NOTCH1: variants seen among roughly 807,000 people sequenced by gnomAD.
NOTCH1 encodes notch receptor 1.
A neutral mutation model predicts 254.8 loss-of-function variants in NOTCH1; 37 were observed. The ratio of observed to expected loss-of-function variants is 0.15; its 90% CI spans 0.11 to 0.19. The LOEUF (loss-of-function observed/expected upper bound fraction) is 0.19. Among genes scored for constraint, NOTCH1 ranks in the 10% least tolerant of loss-of-function variants. The pLI, the probability that NOTCH1 is intolerant of heterozygous loss-of-function variation, is 1.00. For synonymous variants in NOTCH1, 1,731 were observed against 1,618.1 expected (o/e 1.07, Z -1.68); for missense variants, 2,972 against 3,708.6 (o/e 0.80, Z 5.16).
Position 136,522,609 on chromosome 9 carries a change from G to A in NOTCH1, c.742+241C>T, listed in dbSNP as rs574252585. 349 of 520,424 alleles carry A rather than the reference G, an allele frequency of 6.7e-4. 1 individual carries two copies. Among genetic ancestry groups the A allele is most frequent in the South Asian group, 1.0e-3 (33 of 33,102 alleles). The allele number at this position is 520,424 out of a possible 1,614,324, so 32.2% of individuals were successfully genotyped here. On this transcript the variant is annotated intron_variant, in intron 4 of 33. Coordinates refer to ENST00000651671, the MANE Select transcript of NOTCH1 (RefSeq NM_017617.5). ...GTCCTACAGCTCGAATGTGAGTTCC[G>A]GGAAACTCCAGAGACACGGGCTGGC... is the stretch of plus-strand genomic sequence containing the variant.
At chr9:136,541,257 C>G (rs994318406) in intron 2 of NOTCH1, among the ~76,000 whole-genome samples, 18 of 152,144 alleles carry the variant, frequency 1.2e-4, no homozygotes, top group African/African-American at 3.1e-4. Flanking sequence ...CATTTTGCAC[C>G]AACAAAACCA....
chr9:136,501,741 C>G lies in NOTCH1; in HGVS notation c.5638+7G>C, dbSNP rs747630187. The G allele has an allele frequency of 7.4e-5, 119 of 1,610,630 alleles. No homozygotes were observed. The highest frequency in any genetic ancestry group is 9.2e-5 in the Non-Finnish European group (109 of 1,179,774). The stretch of plus-strand genomic sequence containing the variant: ...GCTAGGGAAGCCCTGGCTGCTGGCA[C>G]CCTTACCAGGCCCGCGGACATTGAC... On this transcript the variant is annotated splice_region_variant and intron_variant, in intron 30 of 33. Coordinates refer to ENST00000651671, the MANE Select transcript of NOTCH1 (RefSeq NM_017617.5).
At chr9:136,543,945 G>A (rs1487788951) in intron 2 of NOTCH1, 79 bp downstream of exon 2, 1 of 1,329,064 alleles carries the variant, frequency 7.5e-7, no homozygotes, top group African/African-American at 1.5e-5. Flanking sequence ...ATGGCCTAGT[G>A]TTCTGTCCCC....
chr9:136,502,160 G>A, intron 28 of NOTCH1, 72 bp from the exon 29 acceptor site: 1 of 1,597,462 alleles, frequency 6.3e-7, no homozygotes, highest in Non-Finnish European at 8.5e-7. Context: ...CCTGGCCCGG[G>A]CCTGGCGTGG....
At chr9:136,526,585 G>A (rs981023995) in intron 2 of NOTCH1, among the ~76,000 whole-genome samples, 11 of 152,160 alleles carry the variant, frequency 7.2e-5, no homozygotes, top group African/African-American at 2.7e-4. Context: ...GGAGGTCCGA[G>A]CCCCTAGAGC....
Position 136,505,570 on chromosome 9 carries a change from C to T in NOTCH1, c.4326G>A (p.Pro1442=), listed in dbSNP as rs376469653. ...GCTCGCACGCCTCCTCGATCAGCGG[C>T]GGGGGGATGTCGCGCCCGGCCCCAC... ...FGGGAGRDIP[P]PLIEEACELP... is the part of the protein sequence containing the mutation. Residue 1442 remains proline, a synonymous_variant, in exon 25 of 34, where the codon CCG becomes CCA. Coordinates refer to ENST00000651671, the MANE Select transcript of NOTCH1 (RefSeq NM_017617.5). 9.0e-5 allele frequency: 145 copies of T among 1,610,328 alleles called. No homozygotes were observed. The highest frequency in any genetic ancestry group is 2.4e-4 in the South Asian group (22 of 90,994).
chr9:136,537,411 C>T (rs545056365), intron 2 of NOTCH1, among the ~76,000 whole-genome samples: 3 of 152,138 alleles, frequency 2.0e-5, no homozygotes, highest in African/African-American at 4.8e-5. Flanking sequence ...CCAGAAGAGG[C>T]GAATTCAGAG....
chr9:136,511,127 C>T (rs2133354283), intron 16 of NOTCH1, 25 bp downstream of exon 16: 1 of 1,612,936 alleles, frequency 6.2e-7, no homozygotes, highest in African/African-American at 1.3e-5. Flanking sequence ...CATCCCAGCC[C>T]TCACCGGGCC....
intron 2 of NOTCH1, among the ~76,000 whole-genome samples, chr9:136,535,496 T>G (rs1275227372): frequency 5.1e-5 from 4 of 78,426 alleles, no homozygotes; most frequent in Admixed American, 1.3e-4. Flanking sequence ...CCAGGGGCAA[T>G]GGGTGCAGGG....
In NOTCH1 at chr9:136,504,882, G is replaced by A. The variant is rs370523171; in HGVS notation, c.4809C>T (p.Asn1603=). ...CGTGTGCGTCACGCTTGAAGACCACGTTGGTGTGCAGCACGCGGCTGAGCT... is the reference window on the plus strand; with the variant it reads ...CGTGTGCGTCACGCTTGAAGACCACATTGGTGTGCAGCACGCGGCTGAGCT... ...LRELSRVLHT[N]VVFKRDAHGQ... Residue 1603 remains asparagine (N), a synonymous_variant, in exon 26 of 34, where the codon AAC becomes AAT. Transcript: ENST00000651671. 104 of 1,585,544 alleles carry A rather than the reference G, an allele frequency of 6.6e-5. No homozygotes were observed. The highest frequency in any genetic ancestry group is 1.0e-4 in the South Asian group (9 of 87,142).
In NOTCH1 at chr9:136,496,719, G is replaced by A. The variant is rs1296810856; in HGVS notation, c.7020C>T (p.Pro2340=). ...GGCCTACCATGCCATGCTGCAGGGA[G>A]GGGGCCTGTGTGCTCAGGGGGCCTG... ...VAPGPLSTQA[P]SLQHGMVGPL... is the part of the protein sequence containing the mutation. The change falls in exon 34 of 34, where the codon CCC becomes CCT. Residue 2340 remains proline, a synonymous_variant. Coordinates refer to ENST00000651671, the MANE Select transcript of NOTCH1 (RefSeq NM_017617.5). 2 of 1,612,822 alleles carry A rather than the reference G, an allele frequency of 1.2e-6. No individual in the cohort carries two copies. Among genetic ancestry groups the A allele is most frequent in the Middle Eastern group, 1.7e-4 (1 of 6,034 alleles).
rs1448272143 is a variant in NOTCH1, at chr9:136,497,220, G to A, written c.6519C>T (p.Ala2173=). The A allele has an allele frequency of 6.2e-7, 1 of 1,612,720 alleles. No individual in the cohort carries two copies. The highest frequency in any genetic ancestry group is 1.7e-5 in the Admixed American group (1 of 60,026). ...TCTTCCTCCGTGCCTTGAGGTCCTT[G>A]GCCTCCTTGCTTCCACAGGCCAGGC... The part of the protein sequence containing the change: ...SKGLACGSKE[A]KDLKARRKKS... The change falls in exon 34 of 34, where the codon GCC becomes GCT. Residue 2173 remains alanine, a synonymous_variant. Transcript: ENST00000651671.
chr9:136,508,144 G>A lies in NOTCH1; in HGVS notation c.3326-5C>T, dbSNP rs765346348. The A allele has an allele frequency of 2.7e-5, 43 of 1,607,792 alleles. No homozygotes were observed. The highest frequency in any genetic ancestry group is 4.0e-5 in the African/African-American group (3 of 74,920). ...ACAGGCGGGCAACGTCAACACCTGC[G>A]GGGGATGGGGTGGTAGACAGGTGAG... is the stretch of plus-strand genomic sequence containing the variant. On this transcript the variant is annotated splice_region_variant and splice_polypyrimidine_tract_variant and intron_variant, in intron 20 of 33. Coordinates refer to ENST00000651671, the MANE Select transcript of NOTCH1 (RefSeq NM_017617.5).
chr9:136,535,780 GA>G (rs1182459204), intron 2 of NOTCH1, among the ~76,000 whole-genome samples: 18 of 54,464 alleles, frequency 3.3e-4, no homozygotes, highest in East Asian at 2.7e-3. Context: ...AGGGTGGGTG[GA>G]GAGGGGAGCA....
intron 2 of NOTCH1, among the ~76,000 whole-genome samples, chr9:136,527,408 G>T (rs956121071): frequency 2.6e-5 from 4 of 151,874 alleles, no homozygotes; most frequent in African/African-American, 4.8e-5. Context: ...GGTGTGGGCC[G>T]CGAGGTGGGC....
At position 136,496,027 on chromosome 9, in the gene NOTCH1, C is replaced by G. The variant is rs369671152; in HGVS notation, c.*44G>C. On this transcript the variant is annotated 3_prime_UTR_variant, in exon 34 of 34. Coordinates refer to ENST00000651671, the MANE Select transcript of NOTCH1 (RefSeq NM_017617.5). Reference sequence around the variant, plus strand: ...CATCCACAGAGCGCACACAGACGCCCGAAGGCTTGGGAAAGGAAGCCGGGG... The same window carrying G: ...CATCCACAGAGCGCACACAGACGCCGGAAGGCTTGGGAAAGGAAGCCGGGG... 3 of 1,573,602 alleles carry G rather than the reference C, an allele frequency of 1.9e-6. No individual in the cohort carries two copies. The South Asian group carries it at 3.4e-5, about 18-fold the overall frequency.
intron 4 of NOTCH1, among the ~76,000 whole-genome samples, chr9:136,522,473 G>C (rs1160709395): frequency 1.3e-5 from 2 of 152,340 alleles, no homozygotes; most frequent in East Asian, 3.9e-4. Context: ...CATGGCTTGG[G>C]AAGTGATGGT....
chr9:136,498,822 C>T lies in NOTCH1; in HGVS notation c.6180+77G>A, dbSNP rs142307776. The stretch of plus-strand genomic sequence containing the variant: ...TGTGGGTCAGGCCCTTGTGTCCCTG[C>T]GCCCCGTGGGTTTGGCCCTCACTTC... On this transcript the variant is annotated intron_variant, in intron 33 of 33. Coordinates refer to ENST00000651671, the MANE Select transcript of NOTCH1 (RefSeq NM_017617.5). The T allele has an allele frequency of 6.1e-4, 932 of 1,526,896 alleles. 5 individuals are homozygous for T. The African/African-American group carries it at 0.01, about 17-fold the overall frequency. 94.6% of individuals were successfully genotyped at this position (1,526,896 alleles called of 1,614,324 possible).
intron 9 of NOTCH1, among the ~76,000 whole-genome samples, chr9:136,517,047 G>A (rs1843285039): frequency 6.6e-6 from 1 of 150,610 alleles, no homozygotes; most frequent in Non-Finnish European, 1.5e-5. Flanking sequence ...CCCTCAGGAG[G>A]CCGGGGTGCA....
Sources: gnomAD v4.1 joint callset for allele counts (sites outside exome capture counted in the v4.1 genomes callset) on GRCh38, gnomAD v4.1.1 for gene constraint, MANE v1.5 for transcripts, NCBI Gene and HGNC (gene_info 2026-07-23, HGNC 2026-07-21) for gene names.